DGKD: variants seen among roughly 807,000 people sequenced by gnomAD.
The protein encoded by DGKD is diacylglycerol kinase delta, also known as DAG kinase delta.
Under a neutral mutation model 154.4 loss-of-function variants are expected in DGKD, and 68 were observed. That is an observed-to-expected ratio of 0.44 (90% CI 0.36 to 0.54). The LOEUF (loss-of-function observed/expected upper bound fraction) is 0.54. Ranked by LOEUF, DGKD falls within the 20% of genes least tolerant of loss-of-function variation. The pLI is 0.00. For missense variants in DGKD, 1,343 were observed against 1,593.6 expected, an observed-to-expected ratio of 0.84 and a Z score of 2.68; for synonymous variants, 693 against 638.0, an observed-to-expected ratio of 1.09 and a Z score of -1.30.
chr2:233,379,014 G>A (rs1274418343), intron 1 of DGKD, among the ~76,000 whole-genome samples: 1 of 152,250 alleles, frequency 6.6e-6, no homozygotes, highest in African/African-American at 2.4e-5. Flanking sequence ...CTGGTTGGCA[G>A]TGTGAGAACC....
intron 3 of DGKD, chr2:233,429,396 A>G (rs927482642): frequency 3.4e-6 from 3 of 891,886 alleles, no homozygotes; most frequent in Non-Finnish European, 4.0e-6. Context: ...ACGTGTGCTC[A>G]GACTTGATAG....
At chr2:233,393,683 G>GTTT (rs528368593) in intron 3 of DGKD, among the ~76,000 whole-genome samples, 1 of 128,382 alleles carries the variant, frequency 7.8e-6, no homozygotes. Context: ...ATGTGTATTG[G>GTTT]TTTTTTTTTT....
chr2:233,457,829 C>T lies in DGKD; in HGVS notation c.2581-455C>T. ...CCTGGGTCACACTGGGCTGTGTGAG[C>T]TGGGGAAGAAGTTTGGAATTTGTGT... is the stretch of plus-strand genomic sequence containing the variant. On this transcript the variant is annotated intron_variant, in intron 21 of 29. Coordinates refer to ENST00000264057, the MANE Select transcript of DGKD (RefSeq NM_152879.3). The surrounding 1 kb of genome is among the most constrained non-coding windows in gnomAD (Gnocchi z 5.5). The T allele has an allele frequency of 3.0e-6, 1 of 334,040 alleles. No homozygotes were observed. The highest frequency in any genetic ancestry group is 2.5e-5 in the South Asian group (1 of 40,718). 20.7% of individuals were successfully genotyped at this position (334,040 alleles called of 1,614,324 possible).
chr2:233,357,959 C>G (rs1412640920), intron 1 of DGKD, among the ~76,000 whole-genome samples: 2 of 152,200 alleles, frequency 1.3e-5, no homozygotes, highest in Non-Finnish European at 2.9e-5. Flanking sequence ...TCAAATAATT[C>G]TTCAGGTTAT....
At chr2:233,430,809 CAT>C (rs1051409696) in intron 3 of DGKD, among the ~76,000 whole-genome samples, 11 of 152,176 alleles carry the variant, frequency 7.2e-5, no homozygotes, top group African/African-American at 2.2e-4. Flanking sequence ...TTTTCCCCCA[CAT>C]GTTTGTCAGT....
At chr2:233,382,905 G>T (rs1201796904) in intron 1 of DGKD, among the ~76,000 whole-genome samples, 1 of 152,302 alleles carries the variant, frequency 6.6e-6, no homozygotes, top group East Asian at 1.9e-4. Flanking sequence ...ATCCTCCAGG[G>T]TTAAGCATCC....
At chr2:233,401,766 A>G (rs1273170349) in intron 3 of DGKD, among the ~76,000 whole-genome samples, 1 of 151,916 alleles carries the variant, frequency 6.6e-6, no homozygotes, top group Admixed American at 6.6e-5. Flanking sequence ...CTAAAAATAT[A>G]AAAATTAGAC....
intron 3 of DGKD, among the ~76,000 whole-genome samples, chr2:233,410,261 GA>G (rs1446657471): frequency 6.6e-6 from 1 of 152,208 alleles, no homozygotes; most frequent in Non-Finnish European, 1.5e-5. Flanking sequence ...TTTGAAGAAA[GA>G]GGGGGGGCTC....
chr2:233,435,384 G>T (rs1014977863), intron 5 of DGKD, among the ~76,000 whole-genome samples: 43 of 152,330 alleles, frequency 2.8e-4, no homozygotes, highest in African/African-American at 1.0e-3. Context: ...TTTTTGTACA[G>T]CTCCCACGCT....
rs912727451 is a variant in DGKD at position 233,438,615 on chromosome 2, C to T, written c.1085+236C>T. On this transcript the variant is annotated intron_variant, in intron 9 of 29. Coordinates refer to ENST00000264057, the MANE Select transcript of DGKD (RefSeq NM_152879.3). The surrounding 1 kb of genome is among the most constrained non-coding windows in gnomAD (Gnocchi z 4.1). ...ACGTACATACATCCATGTACACACA[C>T]CCATGCACGTGCATCTTTTGAGCCA... 2.0e-5 allele frequency among the ~76,000 whole-genome samples: 3 copies of T among 152,220 alleles called. No individual in the cohort carries two copies. The highest frequency in any genetic ancestry group is 7.2e-5 in the African/African-American group (3 of 41,458).
At chr2:233,385,974 T>C (rs1703151501) in intron 1 of DGKD, 1 of 471,000 alleles carries the variant, frequency 2.1e-6, no homozygotes, top group Non-Finnish European at 4.4e-6. Flanking sequence ...TCATCCGCCC[T>C]CAGAAAGATT....
chr2:233,411,089 A>G (rs983655000), intron 3 of DGKD, among the ~76,000 whole-genome samples: 18 of 151,974 alleles, frequency 1.2e-4, no homozygotes, highest in African/African-American at 3.4e-4. Flanking sequence ...GCATTTGTCT[A>G]TTCTATTGGT....
chr2:233,390,512 A>AT, intron 3 of DGKD, 29 bp downstream of exon 3: 1 of 1,568,886 alleles, frequency 6.4e-7, no homozygotes, highest in Non-Finnish European at 8.8e-7. Context: ...GCCTTTCTTG[A>AT]TTCTTCACTG....
At chr2:233,399,274 A>T (rs565925104) in intron 3 of DGKD, among the ~76,000 whole-genome samples, 3 of 152,342 alleles carry the variant, frequency 2.0e-5, no homozygotes, top group Admixed American at 1.3e-4. Flanking sequence ...AGTTCCCAGC[A>T]CACAGTAGGT....
intron 27 of DGKD, among the ~76,000 whole-genome samples, chr2:233,465,215 G>C (rs1221829607): frequency 6.6e-6 from 1 of 152,156 alleles, no homozygotes; most frequent in Non-Finnish European, 1.5e-5. Flanking sequence ...TCATTGTAAA[G>C]GTGATTAAGA....
At chr2:233,469,110 CT>C (rs2063920412) in intron 29 of DGKD, among the ~76,000 whole-genome samples, 1 of 152,244 alleles carries the variant, frequency 6.6e-6, no homozygotes, top group East Asian at 1.9e-4. Flanking sequence ...TTGTCATCCA[CT>C]TGCTTTTAGG....
At chr2:233,361,186 C>G (rs531592190) in intron 1 of DGKD, among the ~76,000 whole-genome samples, 54 of 152,154 alleles carry the variant, frequency 3.5e-4, no homozygotes, top group Non-Finnish European at 2.6e-4. Flanking sequence ...GGGTGACACC[C>G]TCCCCTCACA....
At chr2:233,397,887 G>A (rs2061458922) in intron 3 of DGKD, among the ~76,000 whole-genome samples, 2 of 152,078 alleles carry the variant, frequency 1.3e-5, no homozygotes, top group East Asian at 3.9e-4. Context: ...GAGTACAGCA[G>A]CAGGCTGGTT....
chr2:233,448,213 G>A (rs1434624957), intron 13 of DGKD, 32 bp downstream of exon 13: 4 of 1,613,690 alleles, frequency 2.5e-6, no homozygotes, highest in Admixed American at 1.7e-5. Context: ...GGAGGGCATG[G>A]TGCCCTGGCC....
Sources: gnomAD v4.1 joint callset for allele counts (sites outside exome capture counted in the v4.1 genomes callset) on GRCh38, gnomAD v4.1.1 for gene constraint, Gnocchi (gnomAD v3.1) non-coding constraint, MANE v1.5 for transcripts, NCBI Gene and HGNC (gene_info 2026-07-23, HGNC 2026-07-21) for gene names.